PABPC4: variants seen among roughly 807,000 people sequenced by gnomAD.
PABPC4 encodes the protein polyadenylate-binding protein 4.
In PABPC4, 15 loss-of-function variants were observed where a neutral mutation model predicts 74.5. The observed-to-expected ratio is 0.20, with a 90% CI of 0.13 to 0.31. The LOEUF (loss-of-function observed/expected upper bound fraction) is 0.31, where lower values mean the gene tolerates loss of function less well. Ranked by LOEUF, PABPC4 falls within the 10% of genes least tolerant of loss-of-function variation. The probability of loss-of-function intolerance (pLI) is 1.00; values close to 1 mark genes in which losing one functional copy is unlikely to be tolerated. For missense variants in PABPC4, 610 were observed against 853.5 expected, an observed-to-expected ratio of 0.71 and a Z score of 3.55; for synonymous variants, 345 against 303.0, an observed-to-expected ratio of 1.14 and a Z score of -1.44.
Position 39,564,531 on chromosome 1 carries a change from T to C in PABPC4, c.1345A>G (p.Met449Val). 1 of 1,614,182 alleles carries C rather than the reference T, an allele frequency of 6.2e-7. No individual in the cohort carries two copies. The highest frequency in any genetic ancestry group is 8.5e-7 in the Non-Finnish European group (1 of 1,179,996). ...QGGRPQGFQG[M>V]PSAIRQSGPR... is the part of the protein sequence containing the mutation. ...CCAGACTGGCGTATAGCACTTGGCA[T>C]TCCTTGGAAGCCTGGTGAAGAGAAA... is the stretch of plus-strand genomic sequence containing the variant. The change falls in exon 10 of 16, where the codon ATG becomes GTG. Residue 449 changes from methionine to valine, a missense_variant. Physicochemically the swap from Met to Val is conservative, Grantham distance 21 (BLOSUM62 1). This residue lies in a region of PABPC4 where 277 missense variants were observed against 301.8 expected (regional missense o/e 0.92). Transcript: ENST00000372858.
At chr1:39,567,183 T>C (rs1459452608) in intron 7 of PABPC4, among the ~76,000 whole-genome samples, 2 of 152,180 alleles carry the variant, frequency 1.3e-5, no homozygotes, top group East Asian at 1.9e-4. Flanking sequence ...TAAAATTCCT[T>C]ATCTTTAAAA....
intron 12 of PABPC4, 39 bp downstream of exon 12, chr1:39,563,575 G>A (rs1645793346): frequency 6.3e-7 from 1 of 1,594,912 alleles, no homozygotes; most frequent in Non-Finnish European, 8.5e-7. Context: ...AGTGGAAATG[G>A]GGGAAATCCT....
rs373082629 is a variant in PABPC4, at chr1:39,563,566, G to C, written c.1668+48C>G. On this transcript the variant is annotated intron_variant, in intron 12 of 15. Coordinates refer to ENST00000372858, the MANE Select transcript of PABPC4 (RefSeq NM_001135653.2). ...AAAAGCACAGCTTCTTTTACATCAA[G>C]TGGAAATGGGGGAAATCCTTTTAAG... 30 of 1,588,132 alleles carry C rather than the reference G, an allele frequency of 1.9e-5. No individual in the cohort carries two copies. The African/African-American group carries it at 3.5e-4, about 19-fold the overall frequency.
At chr1:39,564,181 A>C in intron 10 of PABPC4, 1 of 623,208 alleles carries the variant, frequency 1.6e-6, no homozygotes. Context: ...CCAGCTAGCA[A>C]ACTTCTACAA....
rs1557718197 is a variant in PABPC4, at chr1:39,569,912, A to G, written c.594T>C (p.Phe198=). 4.3e-6 allele frequency: 7 copies of G among 1,614,048 alleles called. No individual in the cohort carries two copies. The highest frequency in any genetic ancestry group is 2.2e-5 in the East Asian group (1 of 44,890). ...GACTCTCATCATCCACCTCTTCCCC[A>G]AAGTTTTTGATATAAACATTGGTGA... is the stretch of plus-strand genomic sequence containing the variant. ...KEFTNVYIKN[F]GEEVDDESLK... is the part of the protein sequence containing the mutation. The change falls in exon 4 of 16, where the codon TTT becomes TTC. Residue 198 remains phenylalanine, a synonymous_variant. Transcript: ENST00000372858.
chr1:39,561,503 C>T (rs1207644471), intron 15 of PABPC4, 182 bp downstream of exon 15: 2 of 592,084 alleles, frequency 3.4e-6, no homozygotes, highest in African/African-American at 3.8e-5. Flanking sequence ...CAAGCTCCTG[C>T]AGACAAAGTC....
intron 14 of PABPC4, 66 bp from the exon 15 acceptor site, chr1:39,561,853 A>C: frequency 7.0e-7 from 1 of 1,433,212 alleles, no homozygotes; most frequent in Non-Finnish European, 9.8e-7. Flanking sequence ...CAGTGCCCAG[A>C]CCTAGTGGTG....
intron 1 of PABPC4, among the ~76,000 whole-genome samples, chr1:39,575,395 G>T (rs1456378159): frequency 6.6e-6 from 1 of 152,118 alleles, no homozygotes; most frequent in Non-Finnish European, 1.5e-5. Flanking sequence ...CCGCCTTTTT[G>T]GCCAGCCTGT....
rs886238794 is a variant in PABPC4 at position 39,561,476 on chromosome 1, T to C, written c.*13+209A>G. The C allele has an allele frequency of 2.8e-5, 16 of 561,978 alleles. No individual in the cohort carries two copies. The Admixed American group carries it at 2.9e-4, about 10-fold the overall frequency. 34.8% of individuals were successfully genotyped at this position (561,978 alleles called of 1,614,324 possible). On this transcript the variant is annotated intron_variant, in intron 15 of 15. Coordinates refer to ENST00000372858, the MANE Select transcript of PABPC4 (RefSeq NM_001135653.2). Reference sequence around the variant, plus strand: ...GACACCTACAACCATCAACCAGTACTAGTTTTATTATTCACTCAAGCTCCT... The same window carrying C: ...GACACCTACAACCATCAACCAGTACCAGTTTTATTATTCACTCAAGCTCCT...
chr1:39,572,477 G>C lies in PABPC4; in HGVS notation c.303C>G (p.Val101=). Residue 101 remains valine, a synonymous_variant, in exon 2 of 16, where the codon GTC becomes GTG. Coordinates refer to ENST00000372858, the MANE Select transcript of PABPC4 (RefSeq NM_001135653.2). ...TAGATTTGTCCAGGTTCTTGATGAA[G>C]ACGTTTCCCACACCAGATTTTCTCA... ...PSLRKSGVGN[V]FIKNLDKSID... is the part of the protein sequence containing the mutation. 6.2e-7 allele frequency: 1 copy of C among 1,614,034 alleles called. No individual in the cohort carries two copies. The highest frequency in any genetic ancestry group is 8.5e-7 in the Non-Finnish European group (1 of 1,179,906).
chr1:39,562,027 T>C, intron 14 of PABPC4, 46 bp downstream of exon 14: 1 of 1,596,566 alleles, frequency 6.3e-7, no homozygotes, highest in South Asian at 1.1e-5. Flanking sequence ...GCCCCCAGTC[T>C]TCCCAAGCTG....
intron 7 of PABPC4, among the ~76,000 whole-genome samples, chr1:39,565,824 T>C (rs1645828781): frequency 7.2e-6 from 1 of 139,848 alleles, no homozygotes; most frequent in Non-Finnish European, 1.5e-5. Context: ...CGAGACTCCA[T>C]CTCCAAAACA....
chr1:39,565,073 T>C, intron 8 of PABPC4, 33 bp downstream of exon 8: 1 of 1,608,834 alleles, frequency 6.2e-7, no homozygotes, highest in Non-Finnish European at 8.5e-7. Flanking sequence ...AGCCGGCAGG[T>C]TCCCAAGAGC....
chr1:39,565,112 G>A lies in PABPC4; in HGVS notation c.1239C>T (p.Val413=), dbSNP rs1645817630. ...GACCAAACAGCACACCCACCTGTGG[G>A]ACTGCTGGCACAAAGTAGCCACCCG... is the stretch of plus-strand genomic sequence containing the variant. ...PAAGGYFVPA[V]PQAQGRPPYY... The change falls in exon 8 of 16, where the codon GTC becomes GTT. Residue 413 remains valine, a synonymous_variant. Coordinates refer to ENST00000372858, the MANE Select transcript of PABPC4 (RefSeq NM_001135653.2). 2.5e-6 allele frequency: 4 copies of A among 1,613,704 alleles called. No homozygotes were observed. In the African/African-American group the frequency reaches 4.0e-5, roughly 16 times the overall value.
At chr1:39,564,904 G>C (rs895962757) in intron 8 of PABPC4, 131 bp from the exon 9 acceptor site, 2 of 868,246 alleles carry the variant, frequency 2.3e-6, no homozygotes, top group Admixed American at 4.7e-5. Flanking sequence ...GAGCTGAGGG[G>C]TCAGCTAATG....
intron 12 of PABPC4, chr1:39,563,149 C>A: frequency 6.0e-6 from 1 of 167,074 alleles, no homozygotes; most frequent in Admixed American, 5.9e-5. Flanking sequence ...CTAGAGACAG[C>A]AAGTTACAGC....
rs945848924 is a variant in PABPC4 at position 39,563,991 on chromosome 1, G to A, written c.1454-69C>T. The A allele has an allele frequency of 6.2e-6, 9 of 1,457,646 alleles. 1 individual carries two copies. In the South Asian group the frequency reaches 6.9e-5, roughly 11 times the overall value. 90.3% of individuals were successfully genotyped at this position (1,457,646 alleles called of 1,614,324 possible). A position where few individuals can be genotyped will look rare whatever the true frequency, so the allele number is the denominator to read the frequency against. On this transcript the variant is annotated intron_variant, in intron 10 of 15. Coordinates refer to ENST00000372858, the MANE Select transcript of PABPC4 (RefSeq NM_001135653.2). Reference sequence around the variant, plus strand: ...TCCAACTGGCCACGTCCCACGGAAGGAGAAATTTCAAAGCACGTTTACGCA... The same window carrying A: ...TCCAACTGGCCACGTCCCACGGAAGAAGAAATTTCAAAGCACGTTTACGCA...
In PABPC4 at chr1:39,563,781, G is replaced by A. The variant is rs376230983; in HGVS notation, c.1541-40C>T. ...AAATACAATTAAAGCCCATCAGTCTGGGCAAAGACCCGTCAAATCCCATCT... is the reference window on the plus strand; with the variant it reads ...AAATACAATTAAAGCCCATCAGTCTAGGCAAAGACCCGTCAAATCCCATCT... On this transcript the variant is annotated intron_variant, in intron 11 of 15. Transcript: ENST00000372858. 24 of 1,613,640 alleles carry A rather than the reference G, an allele frequency of 1.5e-5. No homozygotes were observed. In the African/African-American group the frequency reaches 3.1e-4, roughly 21 times the overall value.
rs1645762653 is a variant in PABPC4 at position 39,561,104 on chromosome 1, GTTAT to G, written c.*28_*31del. 2 of 470,570 alleles carry G rather than the reference GTTAT, an allele frequency of 4.3e-6. No individual in the cohort carries two copies. The highest frequency in any genetic ancestry group is 4.7e-5 in the Admixed American group (2 of 42,554). 29.1% of individuals were successfully genotyped at this position (470,570 alleles called of 1,614,324 possible). On this transcript the variant is annotated 3_prime_UTR_variant, in exon 16 of 16. Transcript: ENST00000372858. ...AACCTTGAGTTGAATTCCATAAGGG[GTTAT>G]TTGGCTTTTGAATCCTGTAAAGAAA...
Sources: gnomAD v4.1 joint callset for allele counts (sites outside exome capture counted in the v4.1 genomes callset) on GRCh38, gnomAD v4.1.1 for gene constraint, gnomAD v4.1.1 regional missense constraint, MANE v1.5 for transcripts, NCBI Gene and HGNC (gene_info 2026-07-23, HGNC 2026-07-21) for gene names.